Variants in HLTF observed in about 807,000 individuals in gnomAD.
The protein encoded by HLTF is DNA-dependent ATPase/E3 ubiquitin-protein ligase HLTF.
Under a neutral mutation model 129.4 loss-of-function variants are expected in HLTF, and 127 were observed. The ratio of observed to expected loss-of-function variants is 0.98; its 90% CI spans 0.85 to 1.14. HLTF has a LOEUF of 1.14. HLTF is among the 50% of genes most tolerant of loss of function. The pLI, the probability that HLTF is intolerant of heterozygous loss-of-function variation, is 0.00. For missense variants in HLTF, 1,139 were observed against 1,187.1 expected (o/e 0.96, Z 0.60); for synonymous variants, 332 against 388.8 (o/e 0.85, Z 1.72).
chr3:149,086,174 G>T, intron 1 of HLTF, 143 bp downstream of exon 1: 1 of 871,662 alleles, frequency 1.1e-6, no homozygotes, highest in South Asian at 1.4e-5. Context: ...TTATTTCTCC[G>T]GCGGCCACAT....
At chr3:149,064,894 A>C (rs1718226009) in intron 8 of HLTF, 28 bp from the exon 9 acceptor site, 4 of 1,269,058 alleles carry the variant, frequency 3.2e-6, no homozygotes, top group Non-Finnish European at 4.6e-6. Flanking sequence ...TTTCTTAAAC[A>C]GTACTGCTAT....
intron 14 of HLTF, among the ~76,000 whole-genome samples, chr3:149,053,914 C>A (rs1435909595): frequency 6.6e-6 from 1 of 151,988 alleles, no homozygotes; most frequent in Non-Finnish European, 1.5e-5. Flanking sequence ...CCATAACAAA[C>A]AACAAATTAA....
chr3:149,077,890 C>G (rs1215614413), intron 2 of HLTF, among the ~76,000 whole-genome samples: 2 of 152,066 alleles, frequency 1.3e-5, no homozygotes, highest in African/African-American at 2.4e-5. Flanking sequence ...CATCAGCTGA[C>G]CGCTAAGCTA....
Position 149,032,306 on chromosome 3 carries a change from C to A in HLTF, c.2944G>T (p.Ala982Ser). Residue 982 changes from alanine (A) to serine (S), a missense_variant, in exon 25 of 25, where the codon GCA becomes TCA. Ala to Ser is a moderately conservative substitution (Grantham distance 99). Transcript: ENST00000310053. ...GGTTTTTTAGTTCCAAAGGCTCCTG[C>A]TGCAAGTTCTCTCTTTTTGTTTTGT... ...KIQNKKRELAAGAFGTKKPNA... is the reference protein window; with the variant it reads ...KIQNKKRELASGAFGTKKPNA... 6.3e-7 allele frequency: 1 copy of A among 1,599,002 alleles called. No homozygotes were observed. The highest frequency in any genetic ancestry group is 1.1e-5 in the South Asian group (1 of 88,396).
intron 14 of HLTF, among the ~76,000 whole-genome samples, chr3:149,051,224 A>C (rs1476706281): frequency 6.6e-6 from 1 of 151,452 alleles, no homozygotes; most frequent in Non-Finnish European, 1.5e-5. Context: ...TGATAAAAAT[A>C]TAAGGAAGTT....
chr3:149,041,536 T>G lies in HLTF; in HGVS notation c.2330A>C (p.His777Pro), dbSNP rs765375275. 6.2e-7 allele frequency: 1 copy of G among 1,613,260 alleles called. No homozygotes were observed. Among genetic ancestry groups the G allele is most frequent in the African/African-American group, 1.3e-5 (1 of 74,894 alleles). Residue 777 changes from histidine (H) to proline (P), a missense_variant, in exon 20 of 25, where the codon CAT (histidine) becomes CCT (proline). Coordinates refer to ENST00000310053, the MANE Select transcript of HLTF (RefSeq NM_003071.4). Reference protein sequence around the residue: ...LTVPVITHCAHVFCKPCICQV... With the variant: ...LTVPVITHCAPVFCKPCICQV... The stretch of plus-strand genomic sequence containing the variant: ...GCAAATACAGGGTTTACAAAATACA[T>G]GTGCACAATGTGTTATCACAGGAAC...
intron 8 of HLTF, 67 bp from the exon 9 acceptor site, chr3:149,064,933 G>C: frequency 1.2e-6 from 1 of 868,736 alleles, no homozygotes; most frequent in Non-Finnish European, 1.8e-6. Context: ...AATGCATCCT[G>C]TTTTATATTG....
intron 15 of HLTF, among the ~76,000 whole-genome samples, chr3:149,049,585 T>C (rs1244151033): frequency 1.3e-5 from 2 of 152,158 alleles, no homozygotes; most frequent in Non-Finnish European, 2.9e-5. Flanking sequence ...AATCAAATCA[T>C]TGTGATAGAA....
intron 14 of HLTF, among the ~76,000 whole-genome samples, chr3:149,054,097 C>A (rs1254323190): frequency 2.0e-5 from 3 of 151,958 alleles, no homozygotes; most frequent in Admixed American, 2.0e-4. Context: ...GAAAAAAAGA[C>A]TATAAAGCCA....
At chr3:149,054,488 G>A (rs1244947089) in intron 14 of HLTF, among the ~76,000 whole-genome samples, 2 of 152,262 alleles carry the variant, frequency 1.3e-5, no homozygotes, top group Non-Finnish European at 2.9e-5. Context: ...GAAGAATGGC[G>A]ATGAGAGATA....
At chr3:149,037,265 T>C (rs1443209889) in intron 23 of HLTF, among the ~76,000 whole-genome samples, 1 of 151,638 alleles carries the variant, frequency 6.6e-6, no homozygotes, top group Non-Finnish European at 1.5e-5. Context: ...GGTCAGGAGT[T>C]CAAGACCAGC....
At chr3:149,080,284 A>G (rs1386435557) in intron 2 of HLTF, among the ~76,000 whole-genome samples, 2 of 152,164 alleles carry the variant, frequency 1.3e-5, no homozygotes, top group Non-Finnish European at 2.9e-5. Flanking sequence ...TGGTTGCACA[A>G]CCTTGTGAGT....
chr3:149,064,452 G>C (rs1463511004), intron 9 of HLTF, among the ~76,000 whole-genome samples: 1 of 152,092 alleles, frequency 6.6e-6, no homozygotes, highest in Non-Finnish European at 1.5e-5. Flanking sequence ...TGTTATCCAT[G>C]CATATTACAT....
intron 14 of HLTF, among the ~76,000 whole-genome samples, chr3:149,054,221 A>G (rs374634358): frequency 2.5e-4 from 38 of 152,262 alleles, no homozygotes; most frequent in African/African-American, 8.4e-4. Flanking sequence ...TAGTAAGTAA[A>G]AGCACAAAGT....
intron 15 of HLTF, among the ~76,000 whole-genome samples, chr3:149,049,869 G>A (rs1576588445): frequency 6.6e-6 from 1 of 152,062 alleles, no homozygotes; most frequent in African/African-American, 2.4e-5. Flanking sequence ...ATGCATGCCT[G>A]TAATCCCAGC....
chr3:149,078,071 T>C (rs113180866), intron 2 of HLTF, among the ~76,000 whole-genome samples: 7,521 of 151,988 alleles, frequency 0.049, 533 homozygotes, highest in African/African-American at 0.15. Context: ...ACCACCCTGA[T>C]TTCCAGAGCT....
intron 14 of HLTF, among the ~76,000 whole-genome samples, chr3:149,054,192 T>G (rs1717232994): frequency 6.6e-6 from 1 of 152,162 alleles, no homozygotes; most frequent in Admixed American, 6.5e-5. Context: ...ACAAGCCAGA[T>G]TACAATGAAT....
rs1715097820 is a variant in HLTF, at chr3:149,031,975, C to CAAAGT, written c.*240_*244dup. 1 of 272,674 alleles carries CAAAGT rather than the reference C, an allele frequency of 3.7e-6. No homozygotes were observed. Among genetic ancestry groups the CAAAGT allele is most frequent in the Admixed American group, 5.2e-5 (1 of 19,202 alleles). 16.9% of individuals were successfully genotyped at this position (272,674 alleles called of 1,614,324 possible). A position where few individuals can be genotyped will look rare whatever the true frequency, so the allele number is the denominator to read the frequency against. Reference sequence around the variant, plus strand: ...ATAGATATTATGAAAAGCTGAATAACAAAGTAACCTTTTTTCTCAAATTAT... The same window carrying CAAAGT: ...ATAGATATTATGAAAAGCTGAATAACAAAGTAAAGTAACCTTTTTTCTCAAATTAT... On this transcript the variant is annotated 3_prime_UTR_variant, in exon 25 of 25. Transcript: ENST00000310053.
intron 8 of HLTF, among the ~76,000 whole-genome samples, chr3:149,065,489 T>C (rs535490582): frequency 7.9e-5 from 12 of 152,166 alleles, no homozygotes; most frequent in South Asian, 2.1e-4. Flanking sequence ...TAGAGTTAAG[T>C]CTTACTAAAA....
Sources: gnomAD v4.1 joint callset for allele counts (sites outside exome capture counted in the v4.1 genomes callset) on GRCh38, gnomAD v4.1.1 for gene constraint, MANE v1.5 for transcripts, NCBI Gene and HGNC (gene_info 2026-07-23, HGNC 2026-07-21) for gene names.